The following SV2C variants were observed in gnomAD, a reference collection of about 807,000 sequenced individuals.
SV2C encodes synaptic vesicle glycoprotein 2C.
In SV2C, 49 loss-of-function variants were observed where a neutral mutation model predicts 79.7. The observed-to-expected ratio is 0.61, with a 90% confidence interval of 0.49 to 0.78. The LOEUF (loss-of-function observed/expected upper bound fraction) is 0.78. Ranked by LOEUF, SV2C falls within the 30% of genes least tolerant of loss-of-function variation. The pLI is 0.00. For missense variants in SV2C, 833 were observed against 912.9 expected (o/e 0.91, Z 1.13); for synonymous variants, 334 against 333.2 (o/e 1.00, Z -0.03).
At chr5:76,040,894 T>C in the SV2C span, among the ~76,000 whole-genome samples, 28 of 152,278 alleles carry the variant, frequency 1.8e-4, no homozygotes, top group Middle Eastern at 3.4e-3. Flanking sequence ...TTTTAAGAAG[T>C]AGCGGAAGTT....
At chr5:76,138,205 C>T (rs949587655) in intron 2 of SV2C, among the ~76,000 whole-genome samples, 13 of 152,182 alleles carry the variant, frequency 8.5e-5, no homozygotes, top group African/African-American at 3.1e-4. Context: ...CTAGAGAGCT[C>T]GGTTGGCTTG....
chr5:76,037,175 T>G, the SV2C span, among the ~76,000 whole-genome samples: 1 of 152,202 alleles, frequency 6.6e-6, no homozygotes, highest in Non-Finnish European at 1.5e-5. Flanking sequence ...TTCAACTTCT[T>G]TGCCTTTGGT....
chr5:75,981,754 C>G, the SV2C span, among the ~76,000 whole-genome samples: 1 of 152,078 alleles, frequency 6.6e-6, no homozygotes, highest in Admixed American at 6.6e-5. Flanking sequence ...AAACCCAAAA[C>G]TACAAAAACC....
chr5:76,091,699 T>C (rs1037181199), intron 1 of SV2C: 1 of 151,326 alleles, frequency 6.6e-6, no homozygotes, highest in East Asian at 1.9e-4. Context: ...TATGAGACTT[T>C]TTTTTTTTTT....
chr5:75,965,836 A>G, the SV2C span, among the ~76,000 whole-genome samples: 139 of 149,550 alleles, frequency 9.3e-4, no homozygotes, highest in East Asian at 0.025. Context: ...AGTTCTCCAG[A>G]AAAAAAAAAG....
At chr5:76,212,469 C>CTT (rs1179867118) in intron 4 of SV2C, among the ~76,000 whole-genome samples, 1 of 143,896 alleles carries the variant, frequency 6.9e-6, no homozygotes. Flanking sequence ...CTCTCTTTTT[C>CTT]TTTTTTTTTT....
the SV2C span, among the ~76,000 whole-genome samples, chr5:75,861,044 A>G: frequency 6.6e-6 from 1 of 152,224 alleles, no homozygotes; most frequent in Non-Finnish European, 1.5e-5. Flanking sequence ...CAGACAACCT[A>G]CAGAATGGGA....
At chr5:75,911,734 G>C in the SV2C span, 11,634 of 645,010 alleles carry the variant, frequency 0.018, 377 homozygotes, top group African/African-American at 0.1. Flanking sequence ...AGACAAGAAA[G>C]AGGATAATAA....
intron 8 of SV2C, among the ~76,000 whole-genome samples, chr5:76,294,304 C>CTT (rs70979391): frequency 0.17 from 22,149 of 129,370 alleles, 2,543 homozygotes; most frequent in East Asian, 0.38. Context: ...TTCTCTCTCT[C>CTT]TTTTTTTTTT....
At chr5:76,080,634 G>A (rs947324928), upstream of SV2C, among the ~76,000 whole-genome samples, 2 of 152,170 alleles carry the variant, frequency 1.3e-5, no homozygotes, top group Non-Finnish European at 2.9e-5. Flanking sequence ...CTTTGCTGAT[G>A]CGAAAACAGA....
the SV2C span, among the ~76,000 whole-genome samples, chr5:75,913,703 G>A: frequency 9.8e-5 from 15 of 152,300 alleles, no homozygotes; most frequent in Non-Finnish European, 2.2e-4. Flanking sequence ...AGTAACTGGG[G>A]AGACCAGGAC....
the SV2C span, among the ~76,000 whole-genome samples, chr5:76,042,244 T>C: frequency 6.6e-6 from 1 of 152,220 alleles, no homozygotes; most frequent in Non-Finnish European, 1.5e-5. Flanking sequence ...GAGTTAAGGT[T>C]ACAGGCTTTC....
chr5:75,879,192 T>C, the SV2C span, among the ~76,000 whole-genome samples: 1 of 152,102 alleles, frequency 6.6e-6, no homozygotes, highest in Non-Finnish European at 1.5e-5. Context: ...TGGACAAATA[T>C]TCAAACCATA....
intron 4 of SV2C, among the ~76,000 whole-genome samples, chr5:76,214,642 T>A (rs1744863956): frequency 6.6e-6 from 1 of 152,218 alleles, no homozygotes; most frequent in African/African-American, 2.4e-5. Context: ...ACAATATAAT[T>A]CTTTCAATCC....
At chr5:75,921,162 T>G in the SV2C span, 1 of 916,692 alleles carries the variant, frequency 1.1e-6, no homozygotes, top group Non-Finnish European at 1.8e-6. Context: ...AGCAAGTTGT[T>G]GGAGATGTAC....
At chr5:76,227,044 C>T (rs1019559710) in intron 4 of SV2C, among the ~76,000 whole-genome samples, 1 of 152,138 alleles carries the variant, frequency 6.6e-6, no homozygotes, top group African/African-American at 2.4e-5. Flanking sequence ...AAAGGAAGGA[C>T]CTCAGGGGCC....
chr5:76,264,903 G>A (rs1040437177), intron 4 of SV2C, among the ~76,000 whole-genome samples: 4 of 152,216 alleles, frequency 2.6e-5, no homozygotes, highest in Admixed American at 1.3e-4. Flanking sequence ...CCAGTCAGGA[G>A]ACATGGGAGT....
the SV2C span, among the ~76,000 whole-genome samples, chr5:76,021,504 G>A: frequency 6.6e-6 from 1 of 152,104 alleles, no homozygotes; most frequent in Admixed American, 6.5e-5. Context: ...TCCCAGCTTT[G>A]TCTTGTTTCA....
the SV2C span, among the ~76,000 whole-genome samples, chr5:76,035,410 C>T: frequency 2.0e-5 from 3 of 152,048 alleles, no homozygotes; most frequent in South Asian, 2.1e-4. Flanking sequence ...TCCCTCTACA[C>T]ACTGTTTTGA....
Sources: gnomAD v4.1 joint callset for allele counts (sites outside exome capture counted in the v4.1 genomes callset) on GRCh38, gnomAD v4.1.1 for gene constraint, MANE v1.5 for transcripts, NCBI Gene and HGNC (gene_info 2026-07-23, HGNC 2026-07-21) for gene names.